The following GLRX3 variants were observed in gnomAD, a reference collection of about 807,000 sequenced individuals.
GLRX3 encodes the protein glutaredoxin-3.
In GLRX3, 22 loss-of-function variants were observed where a neutral mutation model predicts 49.5. That is an observed-to-expected ratio of 0.44 (90% CI 0.32 to 0.63). GLRX3 has a LOEUF of 0.63. GLRX3 is among the 30% of genes least tolerant of loss of function. GLRX3 has a pLI of 0.05. For synonymous variants in GLRX3, 133 were observed against 140.0 expected (o/e 0.95, Z 0.35); for missense variants, 385 against 396.3 (o/e 0.97, Z 0.24).
At position 130,155,309 on chromosome 10, in the gene GLRX3, A is replaced by G. The variant is rs150804971; in HGVS notation, c.202-4686A>G. Among the ~76,000 whole-genome samples the G allele has an allele frequency of 3.3e-3, 503 of 152,330 alleles. 3 individuals carry two copies. The highest frequency in any genetic ancestry group is 6.8e-3 in the Middle Eastern group (2 of 294). On this transcript the variant is annotated intron_variant, in intron 2 of 10. Coordinates refer to ENST00000331244, the MANE Select transcript of GLRX3 (RefSeq NM_006541.5). ...GACCTTGTGGGGAACGATAACATTCAGGTCTTATTCCAAGTGCAATAGCAA... is the reference window on the plus strand; with the variant it reads ...GACCTTGTGGGGAACGATAACATTCGGGTCTTATTCCAAGTGCAATAGCAA...
chr10:130,137,270 T>C (rs1862076406), intron 1 of GLRX3, among the ~76,000 whole-genome samples: 1 of 152,192 alleles, frequency 6.6e-6, no homozygotes, highest in Non-Finnish European at 1.5e-5. Context: ...GAGGAATGCA[T>C]AGAAAGCGTT....
chr10:130,137,506 A>G (rs1310893778), intron 1 of GLRX3, among the ~76,000 whole-genome samples: 2 of 152,164 alleles, frequency 1.3e-5, no homozygotes, highest in African/African-American at 4.8e-5. Context: ...GCAGCCACTC[A>G]GTAGCCATGT....
intron 10 of GLRX3, among the ~76,000 whole-genome samples, chr10:130,178,864 C>G (rs1396800958): frequency 1.3e-5 from 2 of 152,222 alleles, no homozygotes; most frequent in South Asian, 2.1e-4. Context: ...CCACCATGCC[C>G]AACTGATTTT....
intron 2 of GLRX3, among the ~76,000 whole-genome samples, chr10:130,151,361 T>A (rs895415917): frequency 6.6e-6 from 1 of 152,216 alleles, no homozygotes; most frequent in Non-Finnish European, 1.5e-5. Context: ...AAAGAAGTTA[T>A]CAAAACTTTT....
chr10:130,145,275 A>T lies in GLRX3; in HGVS notation c.157A>T (p.Met53Leu). 6.4e-7 allele frequency: 1 copy of T among 1,574,726 alleles called. No homozygotes were observed. Among genetic ancestry groups the T allele is most frequent in the South Asian group, 1.1e-5 (1 of 90,174 alleles). ...APQCAQMNEV[M>L]AELAKELPQV... is the part of the protein sequence containing the mutation. Reference sequence around the variant, plus strand: ...ACAGTGTGCACAGATGAACGAAGTTATGGCAGAGTTAGCTAAAGAACTCCC... The same window carrying T: ...ACAGTGTGCACAGATGAACGAAGTTTTGGCAGAGTTAGCTAAAGAACTCCC... The change falls in exon 2 of 11, where the codon ATG (methionine) becomes TTG (leucine). Residue 53 changes from methionine to leucine, a missense_variant. Physicochemically the swap from Met to Leu is conservative, Grantham distance 15 (BLOSUM62 2). Around this residue, in one of 2 missense-constraint regions of GLRX3, gnomAD observed 374 missense variants for 358.6 expected, o/e 1.04. Coordinates refer to ENST00000331244, the MANE Select transcript of GLRX3 (RefSeq NM_006541.5).
At chr10:130,170,542 C>T (rs143952002) in intron 7 of GLRX3, among the ~76,000 whole-genome samples, 197 of 151,976 alleles carry the variant, frequency 1.3e-3, no homozygotes, top group African/African-American at 4.6e-3. Context: ...GGCCTAAATT[C>T]TTTGATTTTG....
At chr10:130,174,832 G>A (rs1285641263) in intron 8 of GLRX3, 35 bp from the exon 9 acceptor site, 3 of 1,372,174 alleles carry the variant, frequency 2.2e-6, no homozygotes, top group Non-Finnish European at 3.1e-6. Flanking sequence ...TGATTTAACT[G>A]TATTTCCAGT....
Position 130,166,613 on chromosome 10 carries a change from C to T in GLRX3, c.585C>T (p.Ser195=), listed in dbSNP as rs931296542. 4 of 1,610,132 alleles carry T rather than the reference C, an allele frequency of 2.5e-6. No homozygotes were observed. The highest frequency in any genetic ancestry group is 3.4e-6 in the Non-Finnish European group (4 of 1,176,508). Residue 195 remains serine (S), a synonymous_variant, in exon 5 of 11, where the codon TCC becomes TCT. Transcript: ENST00000331244. ...TTCGACAGGGACTCAAAGCCTATTCCAGTTGGCCTACCTATCCTCAGCTCT... is the reference window on the plus strand; with the variant it reads ...TTCGACAGGGACTCAAAGCCTATTCTAGTTGGCCTACCTATCCTCAGCTCT... ...EEVRQGLKAY[S]SWPTYPQLYV...
intron 2 of GLRX3, among the ~76,000 whole-genome samples, chr10:130,149,399 G>T (rs1341330355): frequency 6.6e-6 from 1 of 150,690 alleles, no homozygotes; most frequent in African/African-American, 2.4e-5. Flanking sequence ...CCGAGATCGC[G>T]CTACTGCACT....
At chr10:130,158,090 T>C (rs1250645612) in intron 2 of GLRX3, among the ~76,000 whole-genome samples, 2 of 152,174 alleles carry the variant, frequency 1.3e-5, no homozygotes, top group African/African-American at 2.4e-5. Flanking sequence ...TGGGAGCTGA[T>C]TGAGTGGAGG....
At chr10:130,173,738 T>C (rs1862860209) in intron 8 of GLRX3, among the ~76,000 whole-genome samples, 1 of 152,112 alleles carries the variant, frequency 6.6e-6, no homozygotes, top group Non-Finnish European at 1.5e-5. Context: ...TACATTGGGG[T>C]TTTTAAAAAG....
intron 1 of GLRX3, among the ~76,000 whole-genome samples, chr10:130,143,671 C>T (rs2134873230): frequency 6.6e-6 from 1 of 151,976 alleles, no homozygotes; most frequent in Admixed American, 6.6e-5. Context: ...TGAGTACAGG[C>T]ATGAGCCACC....
At chr10:130,140,709 T>G (rs993292066) in intron 1 of GLRX3, among the ~76,000 whole-genome samples, 1 of 152,224 alleles carries the variant, frequency 6.6e-6, no homozygotes. Flanking sequence ...CATACTATTA[T>G]AAAGTTTGGT....
chr10:130,155,044 T>A (rs1862448038), intron 2 of GLRX3, among the ~76,000 whole-genome samples: 1 of 151,978 alleles, frequency 6.6e-6, no homozygotes, highest in Non-Finnish European at 1.5e-5. Context: ...TGATCATAGC[T>A]CACTGCAGCC....
rs1862049597 is a variant in GLRX3, at chr10:130,136,401, T to C, written c.-20T>C. The C allele has an allele frequency of 1.6e-6, 2 of 1,249,712 alleles. No individual in the cohort carries two copies. The highest frequency in any genetic ancestry group is 2.0e-6 in the Non-Finnish European group (2 of 991,476). The allele number at this position is 1,249,712 out of a possible 1,614,324, so 77.4% of individuals were successfully genotyped here. ...CATCCGGCCGCCGGCACTGGATTGC[T>C]TCTGTCTGGCGGCGGCAGCATGGCG... On this transcript the variant is annotated 5_prime_UTR_variant, in exon 1 of 11. Transcript: ENST00000331244.
chr10:130,140,546 T>C (rs1862153468), intron 1 of GLRX3, among the ~76,000 whole-genome samples: 1 of 152,234 alleles, frequency 6.6e-6, no homozygotes, highest in South Asian at 2.1e-4. Flanking sequence ...ATATTTTTGT[T>C]TCATCTTCTC....
At chr10:130,165,377 T>C (rs891633896) in intron 4 of GLRX3, among the ~76,000 whole-genome samples, 1 of 152,126 alleles carries the variant, frequency 6.6e-6, no homozygotes, top group Non-Finnish European at 1.5e-5. Flanking sequence ...CACACTCTTA[T>C]TCTTCAGTTA....
chr10:130,170,706 A>G (rs534472659), intron 7 of GLRX3, among the ~76,000 whole-genome samples: 10 of 152,288 alleles, frequency 6.6e-5, no homozygotes, highest in South Asian at 4.1e-4. Flanking sequence ...TTTGGAAACA[A>G]TGTTATTGGG....
At chr10:130,153,992 A>G (rs1862428751) in intron 2 of GLRX3, among the ~76,000 whole-genome samples, 1 of 152,174 alleles carries the variant, frequency 6.6e-6, no homozygotes, top group Non-Finnish European at 1.5e-5. Flanking sequence ...GTGAGCATAG[A>G]ACTGCCTACT....
Sources: gnomAD v4.1 joint callset for allele counts (sites outside exome capture counted in the v4.1 genomes callset) on GRCh38, gnomAD v4.1.1 for gene constraint, gnomAD v4.1.1 regional missense constraint, MANE v1.5 for transcripts, NCBI Gene and HGNC (gene_info 2026-07-23, HGNC 2026-07-21) for gene names.